SLC66A2: variants seen among roughly 807,000 people sequenced by gnomAD.
The protein encoded by SLC66A2 is PQ loop repeat containing 1.
Under a neutral mutation model 25.5 loss-of-function variants are expected in SLC66A2, and 23 were observed. The ratio of observed to expected loss-of-function variants is 0.90; its 90% CI spans 0.65 to 1.28. The LOEUF is 1.28. Ranked by LOEUF, SLC66A2 falls within the 50% of genes most tolerant of loss-of-function variation. SLC66A2 has a pLI of 0.00. For missense variants in SLC66A2, 396 were observed against 373.1 expected (o/e 1.06, Z -0.51); for synonymous variants, 193 against 166.5 (o/e 1.16, Z -1.23).
intron 3 of SLC66A2, among the ~76,000 whole-genome samples, chr18:79,935,743 G>T (rs1987019351): frequency 6.6e-6 from 1 of 152,142 alleles, no homozygotes; most frequent in African/African-American, 2.4e-5. Flanking sequence ...GCAGAGCCTG[G>T]GTGGAGGTCC....
intron 5 of SLC66A2, among the ~76,000 whole-genome samples, chr18:79,916,274 C>G (rs1340400541): frequency 1.3e-5 from 2 of 148,538 alleles, no homozygotes; most frequent in South Asian, 2.1e-4. Context: ...TGCTCCCGTA[C>G]CCGTGGTGCT....
At position 79,904,050 on chromosome 18, in the gene SLC66A2, C is replaced by A; in HGVS notation, c.742G>T (p.Ala248Ser). 6.2e-7 allele frequency: 1 copy of A among 1,610,424 alleles called. No individual in the cohort carries two copies. Among genetic ancestry groups the A allele is most frequent in the Non-Finnish European group, 8.5e-7 (1 of 1,178,898 alleles). ...TGGGGGTGGCGGGCGAAGGCGTAGGCCTGCCCCAGGATGGCCAGGTCCACC... is the reference window on the plus strand; with the variant it reads ...TGGGGGTGGCGGGCGAAGGCGTAGGACTGCCCCAGGATGGCCAGGTCCACC... Reference protein sequence around the residue: ...VLVDLAILGQAYAFARHPQKP... With the variant: ...VLVDLAILGQSYAFARHPQKP... The change falls in exon 6 of 6, where the codon GCC becomes TCC. Residue 248 changes from alanine to serine, a missense_variant. By Grantham distance (99) the Ala-to-Ser change is moderately conservative. Coordinates refer to ENST00000397778, the MANE Select transcript of SLC66A2 (RefSeq NM_025078.5). The surrounding 1 kb of genome is among the most constrained non-coding windows in gnomAD (Gnocchi z 6.3).
At chr18:79,913,969 C>T (rs1012143194) in intron 5 of SLC66A2, among the ~76,000 whole-genome samples, 2 of 152,136 alleles carry the variant, frequency 1.3e-5, no homozygotes, top group Non-Finnish European at 2.9e-5. Context: ...AGTGCAGTGG[C>T]GCGATCTTGG....
At position 79,941,196 on chromosome 18, in the gene SLC66A2, A is replaced by G. The variant is rs900093158; in HGVS notation, c.337+2133T>C. Among the ~76,000 whole-genome samples the G allele has an allele frequency of 1.3e-5, 2 of 152,166 alleles. No homozygotes were observed. The highest frequency in any genetic ancestry group is 4.8e-5 in the African/African-American group (2 of 41,432). On this transcript the variant is annotated intron_variant, in intron 3 of 5. Coordinates refer to ENST00000397778, the MANE Select transcript of SLC66A2 (RefSeq NM_025078.5). The surrounding 1 kb of genome is among the most constrained non-coding windows in gnomAD (Gnocchi z 4.1). Reference sequence around the variant, plus strand: ...ACCCATTCAAGTACAGGCAGAACTCAGCTCCCCGTGGTCGGGGGCTCTGCT... The same window carrying G: ...ACCCATTCAAGTACAGGCAGAACTCGGCTCCCCGTGGTCGGGGGCTCTGCT...
At chr18:79,919,060 G>C in intron 5 of SLC66A2, 124 bp downstream of exon 5, 2 of 868,456 alleles carry the variant, frequency 2.3e-6, no homozygotes, top group Non-Finnish European at 3.6e-6. Context: ...TCTTTAACCG[G>C]CAGCTTCACA....
chr18:79,946,437 T>C (rs2050929195), intron 2 of SLC66A2, among the ~76,000 whole-genome samples: 1 of 152,226 alleles, frequency 6.6e-6, no homozygotes. Flanking sequence ...GGAGAGCACT[T>C]TTCCTCTCCT....
chr18:79,933,999 C>T lies in SLC66A2; in HGVS notation c.361G>A (p.Val121Ile). The change falls in exon 4 of 6, where the codon GTC (valine) becomes ATC (isoleucine). Residue 121 changes from valine (V) to isoleucine (I), a missense_variant. Transcript: ENST00000397778. Reference sequence around the variant, plus strand: ...AAGGACCGCCTGGGGGCAACCTTGACTTCTTCATCCTTGCTATCTGCAGCT... The same window carrying T: ...AAGGACCGCCTGGGGGCAACCTTGATTTCTTCATCCTTGCTATCTGCAGCT... ...FTAADSKDEE[V>I]KVAPRRSFLD... The T allele has an allele frequency of 4.3e-6, 7 of 1,612,768 alleles. No homozygotes were observed. Among genetic ancestry groups the T allele is most frequent in the Non-Finnish European group, 5.9e-6 (7 of 1,179,704 alleles).
chr18:79,922,019 G>A (rs1985297387), intron 4 of SLC66A2, among the ~76,000 whole-genome samples: 2 of 148,700 alleles, frequency 1.3e-5, no homozygotes, highest in Non-Finnish European at 2.9e-5. Context: ...GGGAACTTGG[G>A]AGCAGAGTAA....
At position 79,904,308 on chromosome 18, in the gene SLC66A2, G is replaced by T; in HGVS notation, c.609-125C>A. On this transcript the variant is annotated intron_variant, in intron 5 of 5. Coordinates refer to ENST00000397778, the MANE Select transcript of SLC66A2 (RefSeq NM_025078.5). The surrounding 1 kb of genome is among the most constrained non-coding windows in gnomAD (Gnocchi z 6.3). ...TCAGGGGCACCCAGGGGGCTAAGGG[G>T]ACCCCCAGGCAGTCGGCGGGGAGGC... 3.5e-6 allele frequency: 3 copies of T among 855,618 alleles called. No individual in the cohort carries two copies. The highest frequency in any genetic ancestry group is 5.7e-6 in the Non-Finnish European group (3 of 529,484). 53.0% of individuals were successfully genotyped at this position (855,618 alleles called of 1,614,324 possible).
chr18:79,950,882 C>G lies in SLC66A2; in HGVS notation c.45G>C (p.Gln15His). The G allele has an allele frequency of 1.2e-6, 2 of 1,602,962 alleles. No individual in the cohort carries two copies. The highest frequency in any genetic ancestry group is 2.2e-5 in the South Asian group (2 of 89,910). Residue 15 changes from glutamine to histidine, a missense_variant, in exon 2 of 6, where the codon CAG becomes CAC. Physicochemically the swap from Gln to His is conservative, Grantham distance 24. Coordinates refer to ENST00000397778, the MANE Select transcript of SLC66A2 (RefSeq NM_025078.5). ...GLDWLLVPLH[Q>H]LVSWGAAAAM... is the part of the protein sequence containing the mutation. ...CCGCGGCCGCGCCCCAGGACACCAGCTGGTGCAGTGGCACCAGGAGCCAGT... is the reference window on the plus strand; with the variant it reads ...CCGCGGCCGCGCCCCAGGACACCAGGTGGTGCAGTGGCACCAGGAGCCAGT...
At position 79,930,065 on chromosome 18, in the gene SLC66A2, C is replaced by G. The variant is rs114382357; in HGVS notation, c.391+3904G>C. On this transcript the variant is annotated intron_variant, in intron 4 of 5. Transcript: ENST00000397778. Reference sequence around the variant, plus strand: ...AGGAGATAATGACTTTTGAAAACTTCCCAAATATGATGAAAATATTAATCC... The same window carrying G: ...AGGAGATAATGACTTTTGAAAACTTGCCAAATATGATGAAAATATTAATCC... 9.8e-3 allele frequency among the ~76,000 whole-genome samples: 1,483 copies of G among 152,096 alleles called. 38 individuals carry two copies. Among genetic ancestry groups the G allele is most frequent in the African/African-American group, 0.034 (1,392 of 41,514 alleles).
chr18:79,914,238 G>A (rs376458518), intron 5 of SLC66A2, among the ~76,000 whole-genome samples: 6 of 152,310 alleles, frequency 3.9e-5, no homozygotes, highest in Admixed American at 1.3e-4. Flanking sequence ...TGTTAAGTAC[G>A]TGTGTGTGCA....
intron 3 of SLC66A2, 90 bp downstream of exon 3, chr18:79,943,239 G>C: frequency 6.7e-7 from 1 of 1,498,800 alleles, no homozygotes; most frequent in South Asian, 1.3e-5. Flanking sequence ...AAGCTGCTTG[G>C]ATCAGGACAG....
At chr18:79,907,350 G>GT (rs1365306799) in intron 5 of SLC66A2, among the ~76,000 whole-genome samples, 5 of 85,724 alleles carry the variant, frequency 5.8e-5, no homozygotes, top group Admixed American at 1.7e-4. Context: ...TTTTTTTTTG[G>GT]TTGTTTTTTT....
At chr18:79,943,600 G>C in intron 2 of SLC66A2, 138 bp from the exon 3 acceptor site, 7 of 975,456 alleles carry the variant, frequency 7.2e-6, no homozygotes, top group Non-Finnish European at 1.0e-5. Flanking sequence ...TGCAGCCGGA[G>C]AGACCCTGTG....
chr18:79,943,302 CTTTATTCCGAAGCGCCG>C lies in SLC66A2; in HGVS notation c.337+10_337+26del. ...TCACCTACGCCCTGATTCCCTGCGA[CTTTATTCCGAAGCGCCG>C]GCCACCAACCTGTAAAGGAGCGGCG... is the stretch of plus-strand genomic sequence containing the variant. On this transcript the variant is annotated intron_variant, in intron 3 of 5. Transcript: ENST00000397778. The C allele has an allele frequency of 6.2e-7, 1 of 1,611,652 alleles. No individual in the cohort carries two copies. Among genetic ancestry groups the C allele is most frequent in the Non-Finnish European group, 8.5e-7 (1 of 1,178,512 alleles).
chr18:79,923,144 T>C (rs1236456111), intron 4 of SLC66A2, among the ~76,000 whole-genome samples: 3 of 149,032 alleles, frequency 2.0e-5, no homozygotes, highest in Admixed American at 2.0e-4. Context: ...GGCTCATGTG[T>C]ATTTCATGAA....
At chr18:79,905,754 C>T (rs1243855611) in intron 5 of SLC66A2, among the ~76,000 whole-genome samples, 1 of 152,228 alleles carries the variant, frequency 6.6e-6, no homozygotes, top group Non-Finnish European at 1.5e-5. Flanking sequence ...GCCACCACCA[C>T]GCCTGCTTCA....
chr18:79,924,544 G>A (rs541252733), intron 4 of SLC66A2, among the ~76,000 whole-genome samples: 32 of 152,258 alleles, frequency 2.1e-4, no homozygotes, highest in Admixed American at 1.8e-3. Flanking sequence ...AAAAACCACC[G>A]AACTGTGCAC....
Sources: allele counts gnomAD v4.1 joint callset (sites outside exome capture counted in the v4.1 genomes callset), GRCh38; gene constraint gnomAD v4.1.1; non-coding constraint Gnocchi (gnomAD v3.1); transcripts MANE v1.5; gene names NCBI Gene and HGNC (gene_info 2026-07-23, HGNC 2026-07-21).